The following FAAP20 variants were observed in gnomAD, a reference collection of about 807,000 sequenced individuals.
FAAP20 encodes the protein FA core complex associated protein 20.
In FAAP20, 12 loss-of-function variants were observed where a neutral mutation model predicts 16.2. That is an observed-to-expected ratio of 0.74 (90% CI 0.48 to 1.20). The LOEUF (loss-of-function observed/expected upper bound fraction) is 1.20. FAAP20 is among the 50% of genes most tolerant of loss of function. The pLI is 0.00. For synonymous variants in FAAP20, 141 were observed against 110.7 expected, an observed-to-expected ratio of 1.27 and a Z score of -1.72; for missense variants, 288 against 245.8, an observed-to-expected ratio of 1.17 and a Z score of -1.15.
chr1:2,209,982 C>A (rs143556713), downstream of FAAP20, among the ~76,000 whole-genome samples: 429 of 152,308 alleles, frequency 2.8e-3, 1 homozygote, highest in African/African-American at 9.8e-3. Flanking sequence ...CACTGGGCCC[C>A]CTCTTGAGAG....
downstream of FAAP20, chr1:2,185,223 C>G (rs987213486): frequency 5.7e-6 from 4 of 707,944 alleles, no homozygotes; most frequent in Admixed American, 2.0e-5. Flanking sequence ...GCTGGAGGAA[C>G]TTGCTGCTGT....
chr1:2,197,181 C>CTG (rs1375872901), upstream of FAAP20, among the ~76,000 whole-genome samples: 2 of 152,232 alleles, frequency 1.3e-5, no homozygotes, highest in African/African-American at 4.8e-5. Context: ...TGAGGGACAC[C>CTG]TGTGTGTGGC....
At chr1:2,201,811 C>G (rs546811395), upstream of FAAP20, among the ~76,000 whole-genome samples, 1 of 151,942 alleles carries the variant, frequency 6.6e-6, no homozygotes, top group African/African-American at 2.4e-5. Flanking sequence ...AAGTCAGGAG[C>G]TTGAGACCAT....
At chr1:2,204,830 T>A (rs1259889060), upstream of FAAP20, among the ~76,000 whole-genome samples, 16 of 151,812 alleles carry the variant, frequency 1.1e-4, no homozygotes. Context: ...AGACCCGAGC[T>A]AGCTCTCCAG....
In FAAP20 at chr1:2,189,647, G is replaced by A. The variant is rs1687935639; in HGVS notation, c.*62C>T. On this transcript the variant is annotated 3_prime_UTR_variant, in exon 4 of 4. Transcript: ENST00000378546. Reference sequence around the variant, plus strand: ...TGCTGGCGGGGGAGCCGAGAGGCGGGGCTGCTGGCGGGGGAGAGCGTGTCC... The same window carrying A: ...TGCTGGCGGGGGAGCCGAGAGGCGGAGCTGCTGGCGGGGGAGAGCGTGTCC... 2 of 1,409,208 alleles carry A rather than the reference G, an allele frequency of 1.4e-6. No homozygotes were observed. Among genetic ancestry groups the A allele is most frequent in the Non-Finnish European group, 2.0e-6 (2 of 1,003,938 alleles). 87.3% of individuals were successfully genotyped at this position (1,409,208 alleles called of 1,614,324 possible). A position where few individuals can be genotyped will look rare whatever the true frequency, so the allele number is the denominator to read the frequency against.
chr1:2,193,298 C>T, intron 3 of FAAP20: 1 of 488,780 alleles, frequency 2.0e-6, no homozygotes, highest in East Asian at 3.7e-5. Context: ...CCATGACGCA[C>T]TCTCGGGAAG....
chr1:2,199,550 C>A, upstream of FAAP20: 1 of 985,798 alleles, frequency 1.0e-6, no homozygotes, highest in Non-Finnish European at 1.2e-6. The surrounding 1 kb of genome is among the most constrained non-coding windows in gnomAD (Gnocchi z 4.5). Context: ...ACCAAGGAGC[C>A]GGTCAGGGAG....
At chr1:2,197,902 G>A (rs771799649), upstream of FAAP20, 170 of 1,175,140 alleles carry the variant, frequency 1.4e-4, no homozygotes, top group Non-Finnish European at 1.6e-4. Flanking sequence ...ATCCCCTCCC[G>A]CCTGACAGCT....
At chr1:2,197,948 G>C (rs562510599), upstream of FAAP20, 224 of 1,257,584 alleles carry the variant, frequency 1.8e-4, 3 homozygotes, top group South Asian at 2.5e-3. Context: ...GGCCTGGAAG[G>C]GGACCGGCCA....
At chr1:2,190,282 C>A in intron 3 of FAAP20, 2 of 456,614 alleles carry the variant, frequency 4.4e-6, no homozygotes, top group South Asian at 3.1e-5. Flanking sequence ...CGGAGAAGGA[C>A]GCCGTCACCG....
downstream of FAAP20, among the ~76,000 whole-genome samples, chr1:2,188,494 C>T (rs1687806962): frequency 6.6e-6 from 1 of 152,178 alleles, no homozygotes; most frequent in Non-Finnish European, 1.5e-5. Context: ...CCTGTGTCCC[C>T]CACGGTAGAA....
intron 3 of FAAP20, among the ~76,000 whole-genome samples, chr1:2,205,258 T>C (rs2100753283): frequency 1.1e-5 from 1 of 91,526 alleles, no homozygotes; most frequent in Middle Eastern, 5.6e-3. Flanking sequence ...AGTGCCACCG[T>C]CCTTCCAGGC....
chr1:2,198,777 G>A, upstream of FAAP20: 2 of 1,289,008 alleles, frequency 1.6e-6, no homozygotes, highest in Non-Finnish European at 2.0e-6. Flanking sequence ...CAGCCAAAAG[G>A]CCCGGGCAGC....
downstream of FAAP20, among the ~76,000 whole-genome samples, chr1:2,188,866 G>T (rs1002826982): frequency 6.6e-6 from 1 of 152,146 alleles, no homozygotes; most frequent in Non-Finnish European, 1.5e-5. Flanking sequence ...TTAGCCGGGC[G>T]TGGTGGCGGG....
At chr1:2,192,300 C>G (rs900926264) in intron 3 of FAAP20, 4 of 986,492 alleles carry the variant, frequency 4.1e-6, no homozygotes, top group Non-Finnish European at 3.6e-6. Context: ...AGTACCGGCT[C>G]TCCCTTACGA....
chr1:2,211,431 ATATATTTTTTTTTTTTTTT>A (rs1689442544), downstream of FAAP20, among the ~76,000 whole-genome samples: 1 of 15,324 alleles, frequency 6.5e-5, no homozygotes, highest in African/African-American at 5.0e-4. Context: ...ATATATATAT[ATATATTTTTTTTTTTTTTT>A]TTTTTTTTTT....
Position 2,194,278 on chromosome 1 carries a change from G to A in FAAP20, c.63-145C>T, listed in dbSNP as rs1393847245. On this transcript the variant is annotated intron_variant, in intron 1 of 3. Coordinates refer to ENST00000378546, the MANE Select transcript of FAAP20 (RefSeq NM_182533.4). Reference sequence around the variant, plus strand: ...GATGGTGCGGGAGGTGGCCGGCAGGGTTGGGGGAAGGGCTGCTGGGGCAGA... The same window carrying A: ...GATGGTGCGGGAGGTGGCCGGCAGGATTGGGGGAAGGGCTGCTGGGGCAGA... 3 of 1,072,642 alleles carry A rather than the reference G, an allele frequency of 2.8e-6. No homozygotes were observed. In the Admixed American group the frequency reaches 8.4e-5, roughly 30 times the overall value. The allele number at this position is 1,072,642 out of a possible 1,614,324, so 66.4% of individuals were successfully genotyped here.
chr1:2,198,007 C>T (rs1000062211), upstream of FAAP20: 2 of 1,289,600 alleles, frequency 1.6e-6, no homozygotes, highest in Non-Finnish European at 2.0e-6. Flanking sequence ...ACAAACATAC[C>T]TTGTCCTGCC....
At chr1:2,187,371 C>G (rs1687721164), downstream of FAAP20, among the ~76,000 whole-genome samples, 1 of 149,166 alleles carries the variant, frequency 6.7e-6, no homozygotes, top group Admixed American at 6.8e-5. Flanking sequence ...GTGGCGAGAT[C>G]TCGGCTCACT....
Sources: gnomAD v4.1 joint callset for allele counts (sites outside exome capture counted in the v4.1 genomes callset) on GRCh38, gnomAD v4.1.1 for gene constraint, Gnocchi (gnomAD v3.1) non-coding constraint, MANE v1.5 for transcripts, NCBI Gene and HGNC (gene_info 2026-07-23, HGNC 2026-07-21) for gene names.